The following FOXO1 variants were observed in gnomAD, a reference collection of about 807,000 sequenced individuals.
The protein encoded by FOXO1 is forkhead box O1.
In FOXO1, 6 loss-of-function variants were observed where a neutral mutation model predicts 44.1. The ratio of observed to expected loss-of-function variants is 0.14; its 90% confidence interval spans 0.07 to 0.27. The LOEUF is 0.27. Ranked by LOEUF, FOXO1 falls within the 10% of genes least tolerant of loss-of-function variation. FOXO1 has a pLI of 1.00. For synonymous variants in FOXO1, 380 were observed against 362.7 expected, an observed-to-expected ratio of 1.05 and a Z score of -0.54; for missense variants, 737 against 888.8, an observed-to-expected ratio of 0.83 and a Z score of 2.17.
chr13:40,662,308 A>G (rs1446907232), intron 1 of FOXO1, among the ~76,000 whole-genome samples: 1 of 152,098 alleles, frequency 6.6e-6, no homozygotes, highest in Non-Finnish European at 1.5e-5. Flanking sequence ...AAGTGTTCCT[A>G]ATAATATCAA....
chr13:40,589,130 T>G (rs1204450887), intron 1 of FOXO1, among the ~76,000 whole-genome samples: 1 of 151,930 alleles, frequency 6.6e-6, no homozygotes, highest in Admixed American at 6.6e-5. Flanking sequence ...AGTAAATAAA[T>G]GAAAGTGTCA....
At chr13:40,600,331 A>G (rs752414856) in intron 1 of FOXO1, among the ~76,000 whole-genome samples, 1 of 152,228 alleles carries the variant, frequency 6.6e-6, no homozygotes, top group Non-Finnish European at 1.5e-5. Context: ...GTGTGTGTCA[A>G]GGTGACAGGC....
At chr13:40,634,581 G>A (rs75330027) in intron 1 of FOXO1, among the ~76,000 whole-genome samples, 3,841 of 152,296 alleles carry the variant, frequency 0.025, 106 homozygotes, top group Middle Eastern at 0.058. Flanking sequence ...GGCCAAGGCT[G>A]TAGTGAGCCA....
intron 1 of FOXO1, chr13:40,618,885 G>A: frequency 3.8e-6 from 2 of 526,622 alleles, no homozygotes; most frequent in South Asian, 1.4e-5. Flanking sequence ...ATCGGCTTAT[G>A]AGAGGACCAT....
At chr13:40,614,356 C>T (rs543957757) in intron 1 of FOXO1, among the ~76,000 whole-genome samples, 2 of 152,186 alleles carry the variant, frequency 1.3e-5, no homozygotes, top group Non-Finnish European at 2.9e-5. Context: ...GGGAATAGGA[C>T]CTCTTTTCAA....
chr13:40,628,356 T>TATACACAC (rs149338150), intron 1 of FOXO1, among the ~76,000 whole-genome samples: 2 of 145,206 alleles, frequency 1.4e-5, no homozygotes, highest in South Asian at 4.4e-4. Flanking sequence ...AAGAGCTGTT[T>TATACACAC]ACACACACAC....
chr13:40,659,898 C>T (rs1877983921), intron 1 of FOXO1, among the ~76,000 whole-genome samples: 1 of 152,136 alleles, frequency 6.6e-6, no homozygotes, highest in Admixed American at 6.5e-5. Context: ...TCCTATGTTC[C>T]TTAGAAGACT....
intron 1 of FOXO1, among the ~76,000 whole-genome samples, chr13:40,616,834 C>T (rs189824574): frequency 9.1e-4 from 138 of 152,090 alleles, no homozygotes; most frequent in Admixed American, 2.2e-3. Context: ...AGTCTAGATC[C>T]GGAGCCAGAG....
intron 1 of FOXO1, among the ~76,000 whole-genome samples, chr13:40,589,587 C>T (rs570715011): frequency 6.6e-6 from 1 of 152,340 alleles, no homozygotes; most frequent in Admixed American, 6.5e-5. Context: ...TGAACATGTT[C>T]TACTTTGGTT....
At chr13:40,633,715 T>C (rs898905600) in intron 1 of FOXO1, among the ~76,000 whole-genome samples, 7 of 152,190 alleles carry the variant, frequency 4.6e-5, no homozygotes, top group South Asian at 2.1e-4. Context: ...CTAAAAACTA[T>C]TGAATTGTAC....
At chr13:40,639,255 G>C (rs924949132) in intron 1 of FOXO1, among the ~76,000 whole-genome samples, 1 of 152,038 alleles carries the variant, frequency 6.6e-6, no homozygotes, top group Non-Finnish European at 1.5e-5. Context: ...CAGGGATATG[G>C]AGAAGGTTCA....
At chr13:40,572,653 C>CA (rs1223345751) in intron 1 of FOXO1, among the ~76,000 whole-genome samples, 1 of 152,182 alleles carries the variant, frequency 6.6e-6, no homozygotes, top group Non-Finnish European at 1.5e-5. Context: ...TGTCTCAAAT[C>CA]AAATAGCTTC....
chr13:40,605,977 G>C (rs1312221731), intron 1 of FOXO1, among the ~76,000 whole-genome samples: 1 of 151,612 alleles, frequency 6.6e-6, no homozygotes, highest in African/African-American at 2.4e-5. Flanking sequence ...CAACTAATCT[G>C]GGATGACAAA....
At chr13:40,643,524 T>C (rs781355657) in intron 1 of FOXO1, among the ~76,000 whole-genome samples, 3 of 152,098 alleles carry the variant, frequency 2.0e-5, no homozygotes, top group Non-Finnish European at 4.4e-5. Flanking sequence ...TATTCCACTT[T>C]CTCATGCTGC....
intron 1 of FOXO1, among the ~76,000 whole-genome samples, chr13:40,561,628 A>C (rs1042136329): frequency 2.0e-5 from 3 of 151,984 alleles, no homozygotes; most frequent in Non-Finnish European, 4.4e-5. Context: ...TACTGGGCCC[A>C]CATACTTACA....
At chr13:40,580,592 T>C (rs534885637) in intron 1 of FOXO1, among the ~76,000 whole-genome samples, 1 of 152,282 alleles carries the variant, frequency 6.6e-6, no homozygotes, top group East Asian at 1.9e-4. Context: ...AAAGCACTTA[T>C]AAATATTAGA....
At chr13:40,621,965 C>G (rs1462419066) in intron 1 of FOXO1, among the ~76,000 whole-genome samples, 1 of 152,128 alleles carries the variant, frequency 6.6e-6, no homozygotes, top group Non-Finnish European at 1.5e-5. Flanking sequence ...TTAATACTGG[C>G]AAGATCATCT....
At chr13:40,654,696 T>C (rs557069109) in intron 1 of FOXO1, among the ~76,000 whole-genome samples, 2 of 152,072 alleles carry the variant, frequency 1.3e-5, no homozygotes, top group Non-Finnish European at 2.9e-5. Flanking sequence ...AAGAATACAG[T>C]GGGGCTTACT....
intron 1 of FOXO1, among the ~76,000 whole-genome samples, chr13:40,657,514 A>G (rs1334459076): frequency 6.6e-6 from 1 of 152,014 alleles, no homozygotes; most frequent in Non-Finnish European, 1.5e-5. Flanking sequence ...TTCTATTTTT[A>G]GCAGTGACAG....
Sources: allele counts gnomAD v4.1 joint callset (sites outside exome capture counted in the v4.1 genomes callset), GRCh38; gene constraint gnomAD v4.1.1; transcripts MANE v1.5; gene names NCBI Gene and HGNC (gene_info 2026-07-23, HGNC 2026-07-21).